The following EBF1 variants were observed in gnomAD, a reference collection of about 807,000 sequenced individuals.
The protein encoded by EBF1 is EBF transcription factor 1.
EBF1 carries 10 observed loss-of-function variants against 68.4 expected under a neutral mutation model. That is an observed-to-expected ratio of 0.15 (90% CI 0.09 to 0.25). EBF1 has a LOEUF of 0.25. EBF1 is among the 10% of genes least tolerant of loss of function. The pLI is 1.00. For synonymous variants in EBF1, 298 were observed against 299.8 expected, an observed-to-expected ratio of 0.99 and a Z score of 0.06; for missense variants, 509 against 794.4, an observed-to-expected ratio of 0.64 and a Z score of 4.32.
chr5:158,931,393 C>T (rs1283141681), intron 6 of EBF1, among the ~76,000 whole-genome samples: 1 of 152,146 alleles, frequency 6.6e-6, no homozygotes, highest in Non-Finnish European at 1.5e-5. Flanking sequence ...TGTTTTCCTT[C>T]CTCATGGTAT....
intron 6 of EBF1, among the ~76,000 whole-genome samples, chr5:159,057,878 A>G (rs1453267242): frequency 6.6e-6 from 1 of 152,228 alleles, no homozygotes; most frequent in Non-Finnish European, 1.5e-5. Context: ...TTGTGAAATG[A>G]TACAAAAAAA....
chr5:158,702,743 CAAAAAAAAAAAAAAAAA>C lies in EBF1; in HGVS notation c.1745-3618_1745-3602del, dbSNP rs58496050. Among the ~76,000 whole-genome samples the C allele has an allele frequency of 4.8e-4, 20 of 41,592 alleles. 1 individual carries two copies. Among genetic ancestry groups the C allele is most frequent in the African/African-American group, 1.6e-3 (15 of 9,578 alleles). 27.3% of individuals were successfully genotyped at this position (41,592 alleles called of 152,430 possible). On this transcript the variant is annotated intron_variant, in intron 15 of 15. Transcript: ENST00000313708. ...TGGGCTACAGAGGGAGACTCCTTCT[CAAAAAAAAAAAAAAAAA>C]AAAAAAAAAAAAAAAGAATTATGAG...
At chr5:158,872,996 A>ATTTTTTTTTTTTT (rs539493620) in intron 6 of EBF1, among the ~76,000 whole-genome samples, 5 of 81,124 alleles carry the variant, frequency 6.2e-5, no homozygotes, top group African/African-American at 1.5e-4. Context: ...AATGACACTA[A>ATTTTTTTTTTTTT]TTTTTTTTTT....
chr5:159,014,948 G>A (rs937411119), intron 6 of EBF1, among the ~76,000 whole-genome samples: 1 of 152,168 alleles, frequency 6.6e-6, no homozygotes, highest in African/African-American at 2.4e-5. Flanking sequence ...TTGGGGGAAA[G>A]AGCTTCCACC....
At chr5:158,983,801 C>T (rs552157795) in intron 6 of EBF1, 41 of 151,956 alleles carry the variant, frequency 2.7e-4, no homozygotes, top group African/African-American at 8.9e-4. Flanking sequence ...CAACCAAAAT[C>T]TAGAATAGAT....
intron 8 of EBF1, among the ~76,000 whole-genome samples, chr5:158,797,585 AT>A (rs1289854311): frequency 6.6e-6 from 1 of 152,222 alleles, no homozygotes; most frequent in Non-Finnish European, 1.5e-5. Flanking sequence ...TGGCAAAAAA[AT>A]ATTTGGACTT....
chr5:158,714,457 T>C (rs1760177011), intron 11 of EBF1, among the ~76,000 whole-genome samples: 1 of 152,218 alleles, frequency 6.6e-6, no homozygotes, highest in Admixed American at 6.5e-5. Context: ...ATATGTTTAT[T>C]GCTGAATACA....
intron 6 of EBF1, among the ~76,000 whole-genome samples, chr5:159,034,680 C>A (rs142773234): frequency 6.6e-6 from 1 of 152,330 alleles, no homozygotes; most frequent in African/African-American, 2.4e-5. Flanking sequence ...CTACAAGCTA[C>A]TTCATTGTCG....
chr5:158,827,449 A>G (rs1786430362), intron 7 of EBF1, among the ~76,000 whole-genome samples: 1 of 152,174 alleles, frequency 6.6e-6, no homozygotes, highest in Admixed American at 6.5e-5. Context: ...TTGAGGCTTT[A>G]TTATAACTAA....
At chr5:158,830,651 G>A (rs544910754) in intron 7 of EBF1, among the ~76,000 whole-genome samples, 1 of 152,258 alleles carries the variant, frequency 6.6e-6, no homozygotes, top group South Asian at 2.1e-4. Context: ...TATGGTGCCT[G>A]TGTGACCGAC....
chr5:158,702,692 C>G (rs193203618), intron 15 of EBF1, among the ~76,000 whole-genome samples: 1 of 132,894 alleles, frequency 7.5e-6, no homozygotes, highest in Admixed American at 8.7e-5. Context: ...TGCAGTGAGC[C>G]GAGATCGCGC....
At chr5:158,736,214 G>T (rs1486293517) in intron 10 of EBF1, among the ~76,000 whole-genome samples, 1 of 152,132 alleles carries the variant, frequency 6.6e-6, no homozygotes. Context: ...TATGAAAAAT[G>T]ATTTTTCTCT....
intron 10 of EBF1, among the ~76,000 whole-genome samples, chr5:158,731,884 A>G (rs1764167812): frequency 6.6e-6 from 1 of 152,330 alleles, no homozygotes; most frequent in African/African-American, 2.4e-5. Context: ...CTGGAATAAC[A>G]TTTGGAGACA....
At chr5:158,972,824 T>G (rs1561672684) in intron 6 of EBF1, among the ~76,000 whole-genome samples, 1 of 152,108 alleles carries the variant, frequency 6.6e-6, no homozygotes, top group Non-Finnish European at 1.5e-5. Context: ...TCCTCCCCAC[T>G]GGCCTCCATA....
intron 6 of EBF1, among the ~76,000 whole-genome samples, chr5:159,065,582 A>T (rs2127902543): frequency 6.6e-6 from 1 of 152,260 alleles, no homozygotes; most frequent in East Asian, 1.9e-4. Context: ...TATCAATATT[A>T]AGTTAATTGA....
chr5:158,803,319 C>A (rs1780957588), intron 8 of EBF1, among the ~76,000 whole-genome samples: 1 of 150,732 alleles, frequency 6.6e-6, no homozygotes, highest in Admixed American at 6.6e-5. Context: ...GATATCTCTT[C>A]CTCCTGCTCG....
intron 6 of EBF1, among the ~76,000 whole-genome samples, chr5:158,840,882 G>A (rs1050876254): frequency 4.6e-5 from 7 of 150,726 alleles, no homozygotes; most frequent in Non-Finnish European, 8.9e-5. Flanking sequence ...CGTTTTAGCC[G>A]GGATGGTCTC....
chr5:158,990,023 G>T (rs934776589), intron 6 of EBF1, among the ~76,000 whole-genome samples: 4 of 152,278 alleles, frequency 2.6e-5, no homozygotes, highest in African/African-American at 9.6e-5. Flanking sequence ...CAACACTTCA[G>T]AGAAACCATT....
intron 11 of EBF1, among the ~76,000 whole-genome samples, chr5:158,720,651 C>T (rs1373143740): frequency 6.6e-6 from 1 of 152,152 alleles, no homozygotes; most frequent in Non-Finnish European, 1.5e-5. Flanking sequence ...TTTAGTGTCA[C>T]ACTTTAAACA....
Sources: allele counts gnomAD v4.1 joint callset (sites outside exome capture counted in the v4.1 genomes callset), GRCh38; gene constraint gnomAD v4.1.1; transcripts MANE v1.5; gene names NCBI Gene and HGNC (gene_info 2026-07-23, HGNC 2026-07-21).